DPP8: variants seen among roughly 807,000 people sequenced by gnomAD.
DPP8 encodes DPP VIII.
DPP8 carries 31 observed loss-of-function variants against 107.5 expected under a neutral mutation model. That is an observed-to-expected ratio of 0.29 (90% CI 0.22 to 0.39). The LOEUF is 0.39. Ranked by LOEUF, DPP8 falls within the 10% of genes least tolerant of loss-of-function variation. The probability of loss-of-function intolerance (pLI) is 1.00; values close to 1 mark genes in which losing one functional copy is unlikely to be tolerated. For synonymous variants in DPP8, 381 were observed against 356.6 expected (o/e 1.07, Z -0.77); for missense variants, 842 against 1,076.1 (o/e 0.78, Z 3.04).
intron 5 of DPP8, among the ~76,000 whole-genome samples, chr15:65,497,403 C>T (rs907952302): frequency 2.0e-5 from 3 of 152,244 alleles, no homozygotes; most frequent in South Asian, 2.1e-4. Context: ...ACTACACATG[C>T]CACTACGCTC....
intron 5 of DPP8, among the ~76,000 whole-genome samples, chr15:65,492,431 T>C (rs1322565731): frequency 6.6e-6 from 1 of 152,078 alleles, no homozygotes; most frequent in Non-Finnish European, 1.5e-5. Context: ...GTGTGGTAAG[T>C]GTGTGTTTAA....
chr15:65,477,118 CACA>C (rs2066459113), intron 11 of DPP8, among the ~76,000 whole-genome samples: 1 of 152,186 alleles, frequency 6.6e-6, no homozygotes, highest in Admixed American at 6.5e-5. Context: ...GTGATGATTG[CACA>C]ACAACATGAA....
chr15:65,448,424 G>GC (rs1292087032), intron 19 of DPP8, among the ~76,000 whole-genome samples: 1 of 151,462 alleles, frequency 6.6e-6, no homozygotes, highest in South Asian at 2.1e-4. Context: ...TGTAACCCCA[G>GC]CACTTTGGGA....
rs2063427174 is a variant in DPP8 at position 65,444,696 on chromosome 15, AAACACC to A, written c.*2182_*2187del. The A allele has an allele frequency of 6.6e-6, 1 of 152,182 alleles. No individual in the cohort carries two copies. The highest frequency in any genetic ancestry group is 2.4e-5 in the African/African-American group (1 of 41,454). 9.4% of individuals were successfully genotyped at this position (152,182 alleles called of 1,614,324 possible). ...AAGGAGAAGGCAACATGCAAAAGGA[AAACACC>A]TGTGAACTCCAGAGTACATGAAGTT... On this transcript the variant is annotated 3_prime_UTR_variant, in exon 20 of 20. Coordinates refer to ENST00000300141, the MANE Select transcript of DPP8 (RefSeq NM_130434.5).
At chr15:65,459,052 A>T (rs74617024) in intron 15 of DPP8, 1 of 146,406 alleles carries the variant, frequency 6.8e-6, no homozygotes, top group Non-Finnish European at 1.5e-5. Context: ...AAAAAAAAAA[A>T]GGCGGGGGGG....
chr15:65,513,400 G>A (rs967252140), intron 1 of DPP8, among the ~76,000 whole-genome samples: 2 of 152,126 alleles, frequency 1.3e-5, no homozygotes, highest in Non-Finnish European at 2.9e-5. Context: ...TTTTAGTAGA[G>A]ATGGGGTTTC....
intron 1 of DPP8, 179 bp from the exon 2 acceptor site, chr15:65,512,743 T>C: frequency 1.6e-6 from 1 of 626,032 alleles, no homozygotes; most frequent in South Asian, 2.1e-5. Flanking sequence ...TGTGTTCAGT[T>C]TAAAAATGAA....
intron 3 of DPP8, among the ~76,000 whole-genome samples, chr15:65,502,000 A>G (rs1614430): frequency 0.99 from 151,421 of 152,324 alleles, 75,269 homozygotes; most frequent in Middle Eastern, 1. Flanking sequence ...GGTGATTCTC[A>G]TGCCTCAGCC....
At position 65,478,960 on chromosome 15, in the gene DPP8, C is replaced by T; in HGVS notation, c.1376G>A (p.Gly459Asp). The T allele has an allele frequency of 6.3e-7, 1 of 1,594,460 alleles. No homozygotes were observed. The highest frequency in any genetic ancestry group is 8.5e-7 in the Non-Finnish European group (1 of 1,172,340). The change falls in exon 11 of 20, where the codon GGT becomes GAT. Residue 459 changes from glycine (G) to aspartate (D), a missense_variant. By Grantham distance (94) the Gly-to-Asp change is moderately conservative (BLOSUM62 -1). Transcript: ENST00000300141. ...TGTAATTTTGTATAAATGACGGAAA[C>T]CTGTTTTGCATTCAGAGGCAAAAAT... is the stretch of plus-strand genomic sequence containing the variant. ...EFIFASECKT[G>D]FRHLYKITSI... is the part of the protein sequence containing the mutation.
chr15:65,499,572 TG>T (rs1272306536), intron 4 of DPP8, among the ~76,000 whole-genome samples: 2 of 151,846 alleles, frequency 1.3e-5, no homozygotes, highest in East Asian at 1.9e-4. Context: ...AAAATTTGTA[TG>T]TTTTTTTTTA....
chr15:65,515,812 A>G lies in DPP8; in HGVS notation c.-12+1674T>C, dbSNP rs1292902034. The G allele has an allele frequency of 4.3e-6, 4 of 928,842 alleles. No homozygotes were observed. In the East Asian group the frequency reaches 1.0e-4, roughly 24 times the overall value. The allele number at this position is 928,842 out of a possible 1,614,324, so 57.5% of individuals were successfully genotyped here. On this transcript the variant is annotated intron_variant, in intron 1 of 19. Coordinates refer to ENST00000300141, the MANE Select transcript of DPP8 (RefSeq NM_130434.5). ...AAAGCCTGCTCACCAGGATAATGAA[A>G]TAAGATAAGACTTTGATCATTAAGA...
intron 6 of DPP8, among the ~76,000 whole-genome samples, chr15:65,488,603 C>CAAAAAAAAAAAAAA (rs1166493197): frequency 1.3e-4 from 6 of 45,278 alleles, no homozygotes; most frequent in African/African-American, 5.1e-4. Flanking sequence ...GACCCTGCCT[C>CAAAAAAAAAAAAAA]AAAAAAAAAA....
At chr15:65,516,225 C>T (rs1247727477) in intron 1 of DPP8, 1 of 157,324 alleles carries the variant, frequency 6.4e-6, no homozygotes, top group Non-Finnish European at 1.4e-5. Flanking sequence ...ATAGAATTAA[C>T]TCAGGAGGAT....
At chr15:65,468,572 T>A (rs906375543) in intron 12 of DPP8, among the ~76,000 whole-genome samples, 1 of 152,114 alleles carries the variant, frequency 6.6e-6, no homozygotes, top group African/African-American at 2.4e-5. Context: ...TATTTTTAAA[T>A]GCCTTTTTTC....
intron 16 of DPP8, among the ~76,000 whole-genome samples, 198 bp from the exon 17 acceptor site, chr15:65,454,613 G>A (rs796482240): frequency 2.6e-5 from 4 of 152,288 alleles, no homozygotes; most frequent in South Asian, 4.1e-4. Flanking sequence ...TGCAACCTCC[G>A]CCTGGTGGAT....
intron 19 of DPP8, 52 bp from the exon 20 acceptor site, chr15:65,447,058 A>T: frequency 7.1e-7 from 1 of 1,408,664 alleles, no homozygotes; most frequent in Non-Finnish European, 9.6e-7. Context: ...ATTTAGTAAT[A>T]CATCTTCTTC....
intron 1 of DPP8, chr15:65,516,900 G>C (rs558005336): frequency 6.6e-6 from 1 of 152,620 alleles, no homozygotes; most frequent in Non-Finnish European, 1.5e-5. Context: ...AGAGATGGGA[G>C]GAATGCCAAG....
At position 65,507,258 on chromosome 15, in the gene DPP8, A is replaced by G. The variant is rs773419962; in HGVS notation, c.357T>C (p.Leu119=). The G allele has an allele frequency of 6.2e-7, 1 of 1,600,512 alleles. No homozygotes were observed. Among genetic ancestry groups the G allele is most frequent in the South Asian group, 1.1e-5 (1 of 89,490 alleles). ...TTAATCCTACCTGAAAAAGATCCAA[A>G]AGAGGCTTCCAAGAGAGCATTAAGA... ...AAVLMLSWKP[L]LDLFQATLDY... is the part of the protein sequence containing the mutation. Residue 119 remains leucine, a synonymous_variant, in exon 3 of 20, where the codon CTT becomes CTC. Transcript: ENST00000300141.
At chr15:65,492,268 G>A (rs188070856) in intron 5 of DPP8, among the ~76,000 whole-genome samples, 55 of 152,140 alleles carry the variant, frequency 3.6e-4, no homozygotes, top group Non-Finnish European at 6.9e-4. Flanking sequence ...CTTGAGTCTG[G>A]GAGAAGGAGG....
Sources: gnomAD v4.1 joint callset for allele counts (sites outside exome capture counted in the v4.1 genomes callset) on GRCh38, gnomAD v4.1.1 for gene constraint, MANE v1.5 for transcripts, NCBI Gene and HGNC (gene_info 2026-07-23, HGNC 2026-07-21) for gene names.